The following TNXB variants were observed in gnomAD, a reference collection of about 807,000 sequenced individuals.
TNXB encodes tenascin-X.
TNXB carries 183 observed loss-of-function variants against 340.5 expected under a neutral mutation model. The ratio of observed to expected loss-of-function variants is 0.54; its 90% CI spans 0.48 to 0.61. TNXB has a LOEUF of 0.61. Among genes scored for constraint, TNXB ranks in the 20% least tolerant of loss-of-function variants. The pLI, the probability that TNXB is intolerant of heterozygous loss-of-function variation, is 0.00. For synonymous variants in TNXB, 2,121 were observed against 2,314.5 expected (o/e 0.92, Z 2.40); for missense variants, 4,613 against 5,446.4 (o/e 0.85, Z 4.82).
At position 32,042,756 on chromosome 6, in the gene TNXB, G is replaced by A. The variant is rs1562771482; in HGVS notation, c.12001C>T (p.Leu4001Phe). 1.3e-6 allele frequency: 1 copy of A among 750,262 alleles called. No homozygotes were observed. The highest frequency in any genetic ancestry group is 2.2e-6 in the Non-Finnish European group (1 of 462,496). 46.5% of individuals were successfully genotyped at this position (750,262 alleles called of 1,614,324 possible). A position where few individuals can be genotyped will look rare whatever the true frequency, so the allele number is the denominator to read the frequency against. Residue 4001 changes from leucine (L) to phenylalanine (F), a missense_variant, in exon 39 of 44, where the codon CTC becomes TTC. Physicochemically the swap from Leu to Phe is conservative, Grantham distance 22. This residue lies in a region of TNXB where 114 missense variants were observed against 104.5 expected (regional missense o/e 1.09). Transcript: ENST00000644971. ...LFPSTSYNAR[L>F]QAMWGQSLLP... ...AGGCTCTGGCCCCACATGGCCTGGA[G>A]CCGTGCATTGTAGGAGGTGGAGGGA...
intron 11 of TNXB, among the ~76,000 whole-genome samples, chr6:32,077,180 A>G (rs923753901): frequency 2.0e-5 from 3 of 152,044 alleles, no homozygotes; most frequent in African/African-American, 7.3e-5. Context: ...CCTGGGACAG[A>G]GCGGCAGAGG....
chr6:32,043,607 G>A (rs374727379), intron 35 of TNXB, 51 bp from the exon 36 acceptor site: 62 of 1,292,588 alleles, frequency 4.8e-5, no homozygotes, highest in African/African-American at 3.6e-4. Flanking sequence ...TCTCTACTCC[G>A]TGCCTCCCCA....
intron 4 of TNXB, among the ~76,000 whole-genome samples, chr6:32,093,801 G>C (rs1379909341): frequency 6.6e-6 from 1 of 152,154 alleles, no homozygotes; most frequent in East Asian, 1.9e-4. Flanking sequence ...TTAAGAGCAA[G>C]TTGGATGGCC....
In TNXB at chr6:32,085,398, G is replaced by A. The variant is rs1779710727; in HGVS notation, c.3148+352C>T. On this transcript the variant is annotated intron_variant, in intron 7 of 43. Transcript: ENST00000644971. The surrounding 1 kb of genome is among the most constrained non-coding windows in gnomAD (Gnocchi z 6.4). ...CCTGAAAGATTTATAGGGCAGGGAAGGGCAGAGGAGCAACCGAAGAGTGGG... is the reference window on the plus strand; with the variant it reads ...CCTGAAAGATTTATAGGGCAGGGAAAGGCAGAGGAGCAACCGAAGAGTGGG... Among the ~76,000 whole-genome samples, 1 of 152,208 alleles carries A rather than the reference G, an allele frequency of 6.6e-6. No individual in the cohort carries two copies. Among genetic ancestry groups the A allele is most frequent in the African/African-American group, 2.4e-5 (1 of 41,450 alleles).
chr6:32,050,236 G>A lies in TNXB; in HGVS notation c.9201C>T (p.Thr3067=), dbSNP rs747314115. ...PPIKPRLGEL[T]VTDATPDSLS... is the part of the protein sequence containing the mutation. The stretch of plus-strand genomic sequence containing the variant: ...GGGAGTCGGGGGTGGCATCTGTCAC[G>A]GTCAGCTCCCCCAGGCGAGGCTTGA... Residue 3067 remains threonine, a synonymous_variant, in exon 27 of 44, where the codon ACC becomes ACT. Transcript: ENST00000644971. The A allele has an allele frequency of 6.2e-6, 10 of 1,613,628 alleles. No homozygotes were observed. Among genetic ancestry groups the A allele is most frequent in the African/African-American group, 4.0e-5 (3 of 74,996 alleles).
rs28751336 is a variant in TNXB at position 32,078,134 on chromosome 6, A to AG, written c.4375+898_4375+899insC. 5.2e-4 allele frequency among the ~76,000 whole-genome samples: 78 copies of AG among 148,850 alleles called. 1 individual carries two copies. Among genetic ancestry groups the AG allele is most frequent in the Middle Eastern group, 3.7e-3 (1 of 272 alleles). ...AAGAAAGAAAGAAAGAAAGAAAGAA[A>AG]AAGAGAGAAAGAAGAAAGAGAAAGC... On this transcript the variant is annotated intron_variant, in intron 11 of 43. Coordinates refer to ENST00000644971, the MANE Select transcript of TNXB (RefSeq NM_001365276.2).
chr6:32,095,524 C>T, intron 3 of TNXB, 87 bp downstream of exon 3: 1 of 1,503,772 alleles, frequency 6.6e-7, no homozygotes, highest in Non-Finnish European at 9.0e-7. Context: ...GCTCTCCCTC[C>T]ACTCTTCCTC....
rs1377610482 is a variant in TNXB, at chr6:32,082,038, G to A, written c.3734C>T (p.Thr1245Ile). 2 of 1,601,820 alleles carry A rather than the reference G, an allele frequency of 1.2e-6. No homozygotes were observed. The highest frequency in any genetic ancestry group is 2.2e-5 in the East Asian group (1 of 44,598). The change falls in exon 9 of 44, where the codon ACT becomes ATT. Residue 1245 changes from threonine (T) to isoleucine (I), a missense_variant and splice_region_variant. This residue lies in a region of TNXB where 4,327 missense variants were observed against 4,859.4 expected (regional missense o/e 0.89). Transcript: ENST00000644971. The surrounding 1 kb of genome is among the most constrained non-coding windows in gnomAD (Gnocchi z 5.0). The part of the protein sequence containing the change: ...RYGPLTADGT[T>I]APERKEEPPR... ...GGGCTGAGGTGGCTGCTACTCACCA[G>A]TGGTGCCATCGGCCGTGAGGGGGCC...
intron 24 of TNXB, among the ~76,000 whole-genome samples, chr6:32,054,387 G>A (rs1777504709): frequency 1.3e-5 from 2 of 152,200 alleles, no homozygotes; most frequent in South Asian, 4.1e-4. Flanking sequence ...GGAGACCCCA[G>A]GCCTGGTGAG....
In TNXB at chr6:32,084,802, C is replaced by T. The variant is rs1779679408; in HGVS notation, c.3149-93G>A. 13 of 1,192,120 alleles carry T rather than the reference C, an allele frequency of 1.1e-5. No homozygotes were observed. 73.8% of individuals were successfully genotyped at this position (1,192,120 alleles called of 1,614,324 possible). A position where few individuals can be genotyped will look rare whatever the true frequency, so the allele number is the denominator to read the frequency against. ...TCTCCCCTGCCCACCTCACTCCATC[C>T]TGGATAGATCCCTCCCCGGAAGACT... is the stretch of plus-strand genomic sequence containing the variant. On this transcript the variant is annotated intron_variant, in intron 7 of 43. Coordinates refer to ENST00000644971, the MANE Select transcript of TNXB (RefSeq NM_001365276.2). This position sits in a 1 kb window ranked among gnomAD's most constrained non-coding sequence, Gnocchi z 5.5.
At position 32,048,474 on chromosome 6, in the gene TNXB, G is replaced by C. The variant is rs1777045512; in HGVS notation, c.9934C>G (p.Leu3312Val). ...QPQAVPVSGD[L>V]RAVAVSGLDP... is the part of the protein sequence containing the mutation. ...AGCCCCGAGACGGCGACCGCTCGGA[G>C]GTCTCCGCTCACAGGCACTGCCTGG... is the stretch of plus-strand genomic sequence containing the variant. The change falls in exon 29 of 44, where the codon CTC becomes GTC. Residue 3312 changes from leucine (L) to valine (V), a missense_variant. Physicochemically the swap from Leu to Val is conservative, Grantham distance 32. This residue lies in a region of TNXB where 4,327 missense variants were observed against 4,859.4 expected (regional missense o/e 0.89). Transcript: ENST00000644971. The C allele has an allele frequency of 6.2e-7, 1 of 1,600,246 alleles. No individual in the cohort carries two copies. Among genetic ancestry groups the C allele is most frequent in the East Asian group, 2.2e-5 (1 of 44,676 alleles).
chr6:32,073,292 T>C lies in TNXB; in HGVS notation c.4681+355A>G, dbSNP rs1778882703. On this transcript the variant is annotated intron_variant, in intron 12 of 43. Coordinates refer to ENST00000644971, the MANE Select transcript of TNXB (RefSeq NM_001365276.2). This position sits in a 1 kb window ranked among gnomAD's most constrained non-coding sequence, Gnocchi z 4.6. ...AAGGGCAGAAGCAGGAGGTGGCAGCTGTGTCCAAGTCACAGCAGGGTTGTA... is the reference window on the plus strand; with the variant it reads ...AAGGGCAGAAGCAGGAGGTGGCAGCCGTGTCCAAGTCACAGCAGGGTTGTA... Among the ~76,000 whole-genome samples the C allele has an allele frequency of 6.6e-6, 1 of 152,068 alleles. No homozygotes were observed. Among genetic ancestry groups the C allele is most frequent in the South Asian group, 2.1e-4 (1 of 4,814 alleles).
Position 32,068,382 on chromosome 6 carries a change from C to A in TNXB, c.6220+8G>T. 6.2e-7 allele frequency: 1 copy of A among 1,612,464 alleles called. No individual in the cohort carries two copies. The highest frequency in any genetic ancestry group is 8.5e-7 in the Non-Finnish European group (1 of 1,178,922). Reference sequence around the variant, plus strand: ...GCTCCCACCCTGGGGCTCCCATCATCCACTCACCTGTCACCCCGACGACAG... The same window carrying A: ...GCTCCCACCCTGGGGCTCCCATCATACACTCACCTGTCACCCCGACGACAG... On this transcript the variant is annotated splice_region_variant and intron_variant, in intron 17 of 43. Coordinates refer to ENST00000644971, the MANE Select transcript of TNXB (RefSeq NM_001365276.2). The surrounding 1 kb of genome is among the most constrained non-coding windows in gnomAD (Gnocchi z 5.3).
chr6:32,096,762 G>A lies in TNXB; in HGVS notation c.1091C>T (p.Thr364Ile). ...TGTCCGCGTGCTGCAGTCCTCGCCT[G>A]TGTACCCGGGCCAGCACACGCAGCG... ...DGRCVCWPGYTGEDCSTRTCP... is the reference protein window; with the variant it reads ...DGRCVCWPGYIGEDCSTRTCP... The change falls in exon 3 of 44, where the codon ACA (threonine) becomes ATA (isoleucine). Residue 364 changes from threonine to isoleucine, a missense_variant. Around this residue, in one of 7 missense-constraint regions of TNXB, gnomAD observed 4,327 missense variants for 4,859.4 expected, o/e 0.89. Coordinates refer to ENST00000644971, the MANE Select transcript of TNXB (RefSeq NM_001365276.2). 1 of 1,560,188 alleles carries A rather than the reference G, an allele frequency of 6.4e-7. No homozygotes were observed. Among genetic ancestry groups the A allele is most frequent in the Non-Finnish European group, 8.7e-7 (1 of 1,154,054 alleles).
At position 32,042,681 on chromosome 6, in the gene TNXB, G is replaced by A. The variant is rs1340581312; in HGVS notation, c.12058+18C>T. The A allele has an allele frequency of 3.2e-6, 4 of 1,263,524 alleles. No individual in the cohort carries two copies. The Admixed American group carries it at 6.3e-5, about 20-fold the overall frequency. 78.3% of individuals were successfully genotyped at this position (1,263,524 alleles called of 1,614,324 possible). A position where few individuals can be genotyped will look rare whatever the true frequency, so the allele number is the denominator to read the frequency against. ...CTGCCCACCCAGCCCCCGGCCCCGG[G>A]CCCGTGCGTCCAGGTACCCGTGGTG... On this transcript the variant is annotated intron_variant, in intron 39 of 43. Coordinates refer to ENST00000644971, the MANE Select transcript of TNXB (RefSeq NM_001365276.2).
rs146120469 is a variant in TNXB at position 32,073,766 on chromosome 6, G to A, written c.4562C>T (p.Ala1521Val). The change falls in exon 12 of 44, where the codon GCG (alanine) becomes GTG (valine). Residue 1521 changes from alanine (A) to valine (V), a missense_variant. This residue lies in a region of TNXB where 4,327 missense variants were observed against 4,859.4 expected (regional missense o/e 0.89). Transcript: ENST00000644971. The surrounding 1 kb of genome is among the most constrained non-coding windows in gnomAD (Gnocchi z 4.6). ...GACTGTGACCTCTCGCTGGTCTGCCGCCACCGGCACCACCTGGGGCTGCCC... is the reference window on the plus strand; with the variant it reads ...GACTGTGACCTCTCGCTGGTCTGCCACCACCGGCACCACCTGGGGCTGCCC... ...KDGQPQVVPV[A>V]ADQREVTVYN... 3,630 of 1,612,220 alleles carry A rather than the reference G, an allele frequency of 2.3e-3. 13 individuals are homozygous for A. Among genetic ancestry groups the A allele is most frequent in the Middle Eastern group, 0.01 (61 of 6,060 alleles).
rs778262010 is a variant in TNXB, at chr6:32,070,932, C to G, written c.4991-518G>C. ...CTTTCTTATTCTGCACCGGCTGGCC[C>G]GGGAGAACTAAGGCTCCCACTGGGC... is the stretch of plus-strand genomic sequence containing the variant. On this transcript the variant is annotated intron_variant, in intron 13 of 43. Coordinates refer to ENST00000644971, the MANE Select transcript of TNXB (RefSeq NM_001365276.2). This position sits in a 1 kb window ranked among gnomAD's most constrained non-coding sequence, Gnocchi z 6.0. 3.7e-4 allele frequency among the ~76,000 whole-genome samples: 56 copies of G among 152,278 alleles called. No homozygotes were observed. The highest frequency in any genetic ancestry group is 9.4e-4 in the African/African-American group (39 of 41,568).
rs1779052470 is a variant in TNXB at position 32,075,822 on chromosome 6, T to C, written c.4376-1870A>G. Among the ~76,000 whole-genome samples, 1 of 152,166 alleles carries C rather than the reference T, an allele frequency of 6.6e-6. No individual in the cohort carries two copies. Among genetic ancestry groups the C allele is most frequent in the African/African-American group, 2.4e-5 (1 of 41,430 alleles). On this transcript the variant is annotated intron_variant, in intron 11 of 43. Coordinates refer to ENST00000644971, the MANE Select transcript of TNXB (RefSeq NM_001365276.2). This position sits in a 1 kb window ranked among gnomAD's most constrained non-coding sequence, Gnocchi z 4.6. ...ACTCATTAGTGAGCAAACTAGAAGG[T>C]GGTCCCAAGAGGCAAAATGGCAGAG... is the stretch of plus-strand genomic sequence containing the variant.
rs1007048716 is a variant in TNXB at position 32,064,863 on chromosome 6, C to T, written c.6799G>A (p.Gly2267Ser). 19 of 1,611,582 alleles carry T rather than the reference C, an allele frequency of 1.2e-5. No homozygotes were observed. The African/African-American group carries it at 1.9e-4, about 16-fold the overall frequency. ...KYKMNLYGFH[G>S]GQRVGPVSAV... ...GACACGGGGCCCACGCGCTGGCCAC[C>T]GTGGAAGCCGTACAGGTTCATCTTG... Residue 2267 changes from glycine to serine, a missense_variant, in exon 19 of 44, where the codon GGT (glycine) becomes AGT (serine). Gly to Ser is a moderately conservative substitution (Grantham distance 56). This residue lies in a region of TNXB where 4,327 missense variants were observed against 4,859.4 expected (regional missense o/e 0.89). Coordinates refer to ENST00000644971, the MANE Select transcript of TNXB (RefSeq NM_001365276.2). The surrounding 1 kb of genome is among the most constrained non-coding windows in gnomAD (Gnocchi z 5.3).
Sources: gnomAD v4.1 joint callset for allele counts (sites outside exome capture counted in the v4.1 genomes callset) on GRCh38, gnomAD v4.1.1 for gene constraint, gnomAD v4.1.1 regional missense constraint, Gnocchi (gnomAD v3.1) non-coding constraint, MANE v1.5 for transcripts, NCBI Gene and HGNC (gene_info 2026-07-23, HGNC 2026-07-21) for gene names.